Variants in GPHN observed in about 807,000 individuals in gnomAD.
The protein encoded by GPHN is gephyrin.
In GPHN, 17 loss-of-function variants were observed where a neutral mutation model predicts 95.5. That is an observed-to-expected ratio of 0.18 (90% CI 0.12 to 0.27). The LOEUF (loss-of-function observed/expected upper bound fraction) is 0.27, where lower values mean the gene tolerates loss of function less well. GPHN is among the 10% of genes least tolerant of loss of function. The probability of loss-of-function intolerance (pLI) is 1.00; values close to 1 mark genes in which losing one functional copy is unlikely to be tolerated. For synonymous variants in GPHN, 320 were observed against 322.5 expected (o/e 0.99, Z 0.08); for missense variants, 660 against 978.1 (o/e 0.67, Z 4.34).
chr14:67,688,790 A>G, the GPHN span, among the ~76,000 whole-genome samples: 1 of 152,102 alleles, frequency 6.6e-6, no homozygotes, highest in Non-Finnish European at 1.5e-5. Context: ...CTGATTTTAC[A>G]TTTAATAGTT....
At chr14:67,311,310 C>CAAAA in the GPHN span, among the ~76,000 whole-genome samples, 2 of 63,936 alleles carry the variant, frequency 3.1e-5, no homozygotes, top group East Asian at 3.3e-4. Flanking sequence ...GACTCCGTCT[C>CAAAA]AAAAAAAAAA....
intron 11 of GPHN, among the ~76,000 whole-genome samples, chr14:67,076,831 C>T (rs936597027): frequency 1.1e-4 from 16 of 151,832 alleles, no homozygotes; most frequent in Non-Finnish European, 2.1e-4. Context: ...ATTCTATTAC[C>T]TACCACACTC....
intron 1 of GPHN, among the ~76,000 whole-genome samples, chr14:66,522,392 G>A (rs2058519464): frequency 6.6e-6 from 1 of 152,068 alleles, no homozygotes; most frequent in South Asian, 2.1e-4. Context: ...TGTATTATAT[G>A]AAAATGCTTT....
the GPHN span, among the ~76,000 whole-genome samples, chr14:67,694,458 A>G: frequency 7.0e-6 from 1 of 142,904 alleles, no homozygotes; most frequent in East Asian, 2.0e-4. Flanking sequence ...ATATACACAC[A>G]CACACACATA....
chr14:66,810,314 C>T (rs1044802702), intron 3 of GPHN, among the ~76,000 whole-genome samples: 1 of 151,552 alleles, frequency 6.6e-6, no homozygotes, highest in Non-Finnish European at 1.5e-5. Flanking sequence ...TCTGTATTCT[C>T]CATAGGGCTA....
At chr14:67,158,520 T>C (rs1397352779) in intron 18 of GPHN, among the ~76,000 whole-genome samples, 2 of 152,076 alleles carry the variant, frequency 1.3e-5, no homozygotes, top group Non-Finnish European at 2.9e-5. Flanking sequence ...AGGGAACACA[T>C]TTTTACAAAT....
At chr14:67,716,052 C>G in the GPHN span, among the ~76,000 whole-genome samples, 1 of 151,978 alleles carries the variant, frequency 6.6e-6, no homozygotes, top group South Asian at 2.1e-4. Context: ...AAAAAATTAG[C>G]CGGGGGTGGT....
At chr14:67,280,861 C>T in the GPHN span, among the ~76,000 whole-genome samples, 84 of 100,946 alleles carry the variant, frequency 8.3e-4, no homozygotes, top group African/African-American at 1.2e-3. Flanking sequence ...CCTTCCCTCC[C>T]TCCCTCCCTC....
the GPHN span, among the ~76,000 whole-genome samples, chr14:67,614,039 A>T: frequency 3.9e-5 from 6 of 152,096 alleles, no homozygotes; most frequent in Admixed American, 3.3e-4. Context: ...GGCTCAAGGG[A>T]TCCTCCTGGC....
intron 17 of GPHN, among the ~76,000 whole-genome samples, chr14:67,133,860 C>T (rs1415207341): frequency 1.3e-5 from 2 of 152,146 alleles, no homozygotes; most frequent in Non-Finnish European, 2.9e-5. Flanking sequence ...TGGTAGCCAT[C>T]TTCCAAGTTG....
intron 3 of GPHN, among the ~76,000 whole-genome samples, chr14:66,787,636 A>G (rs1566944981): frequency 6.6e-6 from 1 of 152,160 alleles, no homozygotes; most frequent in Non-Finnish European, 1.5e-5. Flanking sequence ...TAAAAACATA[A>G]ATCAATGAAA....
intron 1 of GPHN, among the ~76,000 whole-genome samples, chr14:66,645,111 T>A (rs1307255897): frequency 2.6e-5 from 4 of 152,164 alleles, no homozygotes; most frequent in South Asian, 2.1e-4. Context: ...AGTGCATTTT[T>A]AAATTGCACT....
chr14:66,585,055 T>C (rs1178448926), intron 1 of GPHN, among the ~76,000 whole-genome samples: 1 of 152,158 alleles, frequency 6.6e-6, no homozygotes, highest in Non-Finnish European at 1.5e-5. Context: ...AATTATTGCC[T>C]CAGTTTCAGA....
intron 4 of GPHN, among the ~76,000 whole-genome samples, chr14:66,877,762 T>A (rs1050660994): frequency 7.1e-6 from 1 of 141,090 alleles, no homozygotes; most frequent in Non-Finnish European, 1.5e-5. Flanking sequence ...CATTCCATGC[T>A]CATGGATAGG....
At chr14:66,901,812 G>T (rs1042333166) in intron 5 of GPHN, among the ~76,000 whole-genome samples, 4 of 151,904 alleles carry the variant, frequency 2.6e-5, no homozygotes, top group Non-Finnish European at 5.9e-5. Context: ...CATGTGATGT[G>T]ATACCTCCAG....
At chr14:67,114,785 C>G (rs2078579962) in intron 16 of GPHN, among the ~76,000 whole-genome samples, 1 of 152,174 alleles carries the variant, frequency 6.6e-6, no homozygotes, top group Admixed American at 6.5e-5. Flanking sequence ...CTCTCTCATG[C>G]TTTTGTAGGT....
chr14:67,515,016 G>C, the GPHN span: 1 of 152,394 alleles, frequency 6.6e-6, no homozygotes, highest in Non-Finnish European at 1.5e-5. Context: ...CGCGGTCGGA[G>C]CTGCCGGCCC....
At chr14:67,112,883 C>G (rs537496050) in intron 15 of GPHN, 135 bp from the exon 16 acceptor site, 1 of 735,080 alleles carries the variant, frequency 1.4e-6, no homozygotes, top group Non-Finnish European at 2.4e-6. Flanking sequence ...CCCTTCAATT[C>G]ATTGTTTTCC....
chr14:67,676,613 G>A, the GPHN span, among the ~76,000 whole-genome samples: 1 of 152,128 alleles, frequency 6.6e-6, no homozygotes, highest in Non-Finnish European at 1.5e-5. Context: ...CAAGAAATGT[G>A]GAAAAAGTGT....
Sources: gnomAD v4.1 joint callset for allele counts (sites outside exome capture counted in the v4.1 genomes callset) on GRCh38, gnomAD v4.1.1 for gene constraint, MANE v1.5 for transcripts, NCBI Gene and HGNC (gene_info 2026-07-23, HGNC 2026-07-21) for gene names.